FUT9: variants seen among roughly 807,000 people sequenced by gnomAD.
The protein encoded by FUT9 is 4-galactosyl-N-acetylglucosaminide 3-alpha-L-fucosyltransferase 9.
A neutral mutation model predicts 29.7 loss-of-function variants in FUT9; 15 were observed. The observed-to-expected ratio is 0.51, with a 90% CI of 0.34 to 0.78. The LOEUF (loss-of-function observed/expected upper bound fraction) is 0.78, where lower values mean the gene tolerates loss of function less well. Ranked by LOEUF, FUT9 falls within the 30% of genes least tolerant of loss-of-function variation. The pLI is 0.01. For missense variants in FUT9, 319 were observed against 425.4 expected, an observed-to-expected ratio of 0.75 and a Z score of 2.20; for synonymous variants, 169 against 153.7, an observed-to-expected ratio of 1.10 and a Z score of -0.74.
intron 1 of FUT9, among the ~76,000 whole-genome samples, chr6:96,099,462 T>G (rs919848501): frequency 1.3e-4 from 20 of 152,154 alleles, no homozygotes; most frequent in Admixed American, 6.5e-5. Flanking sequence ...GTATTTCTTT[T>G]TAAAAGGTCA....
intron 1 of FUT9, among the ~76,000 whole-genome samples, chr6:96,070,401 A>T (rs1380213564): frequency 7.2e-5 from 11 of 152,362 alleles, no homozygotes; most frequent in African/African-American, 2.6e-4. Context: ...GTAATACTAT[A>T]CAAGCCTTAA....
At chr6:96,155,440 T>C (rs537901459) in intron 2 of FUT9, among the ~76,000 whole-genome samples, 1 of 152,062 alleles carries the variant, frequency 6.6e-6, no homozygotes, top group African/African-American at 2.4e-5. Context: ...ATGACTGATG[T>C]CCCTATAAGA....
intron 1 of FUT9, among the ~76,000 whole-genome samples, chr6:96,095,938 T>C (rs1030658999): frequency 1.3e-5 from 2 of 152,138 alleles, no homozygotes; most frequent in Non-Finnish European, 1.5e-5. Context: ...TATTACATGA[T>C]GTGATGTTTG....
chr6:96,120,373 C>T (rs539578513), intron 2 of FUT9, among the ~76,000 whole-genome samples: 23 of 149,100 alleles, frequency 1.5e-4, no homozygotes, highest in Non-Finnish European at 3.3e-4. Context: ...TGGGTTCACG[C>T]CATTCTCCTG....
At chr6:96,079,730 T>TC (rs1771204180) in intron 1 of FUT9, among the ~76,000 whole-genome samples, 1 of 152,008 alleles carries the variant, frequency 6.6e-6, no homozygotes, top group Non-Finnish European at 1.5e-5. Context: ...AAAAGCAACA[T>TC]AATCGGAACT....
chr6:96,190,037 G>A (rs1773476667), intron 2 of FUT9, among the ~76,000 whole-genome samples: 1 of 152,118 alleles, frequency 6.6e-6, no homozygotes, highest in Admixed American at 6.5e-5. Context: ...TTTTGCAGTG[G>A]TTGGTACCGG....
chr6:96,117,945 C>T lies in FUT9; in HGVS notation c.-9+3818C>T, dbSNP rs541880871. ...TAGAGGCCAGGCATGGTGGCTCACT[C>T]CTGTAATCCCATCACATTGGGAGGC... is the stretch of plus-strand genomic sequence containing the variant. On this transcript the variant is annotated intron_variant, in intron 2 of 2. Coordinates refer to ENST00000302103, the MANE Select transcript of FUT9 (RefSeq NM_006581.4). Among the ~76,000 whole-genome samples, 10 of 152,208 alleles carry T rather than the reference C, an allele frequency of 6.6e-5. No homozygotes were observed. The South Asian group carries it at 1.2e-3, about 19-fold the overall frequency.
At chr6:96,184,421 T>G (rs531812002) in intron 2 of FUT9, among the ~76,000 whole-genome samples, 1 of 152,170 alleles carries the variant, frequency 6.6e-6, no homozygotes, top group Non-Finnish European at 1.5e-5. Context: ...ATCTTTTGTT[T>G]TTTTGTTTGT....
At chr6:96,178,037 G>T (rs1029968622) in intron 2 of FUT9, among the ~76,000 whole-genome samples, 8 of 152,082 alleles carry the variant, frequency 5.3e-5, no homozygotes, top group African/African-American at 1.9e-4. Context: ...TCACACTTAA[G>T]AACAAATTCT....
intron 1 of FUT9, among the ~76,000 whole-genome samples, chr6:96,054,294 T>A (rs1169234703): frequency 6.6e-6 from 1 of 152,210 alleles, no homozygotes; most frequent in African/African-American, 2.4e-5. Flanking sequence ...TATAGGTTGG[T>A]CCTTATGGAC....
At chr6:96,035,879 CATTATGTTTATTATATTA>C (rs1770352175) in intron 1 of FUT9, among the ~76,000 whole-genome samples, 4 of 84,208 alleles carry the variant, frequency 4.8e-5, no homozygotes, top group Non-Finnish European at 7.8e-5. Flanking sequence ...TAATATAATA[CATTATGTTTATTATATTA>C]ATATAATATA....
intron 2 of FUT9, among the ~76,000 whole-genome samples, chr6:96,123,160 A>G (rs1268486415): frequency 6.6e-6 from 1 of 151,368 alleles, no homozygotes. Flanking sequence ...AAGATTATGC[A>G]TAGTGTCAAT....
rs1302874965 is a variant in FUT9, at chr6:96,210,330, G to T, written c.*6095G>T. On this transcript the variant is annotated 3_prime_UTR_variant, in exon 3 of 3. Transcript: ENST00000302103. Reference sequence around the variant, plus strand: ...CTCACCAGTCTTGTGACTTGGGGCAGGTTATTTATAGTCTCCAGACACTTT... The same window carrying T: ...CTCACCAGTCTTGTGACTTGGGGCATGTTATTTATAGTCTCCAGACACTTT... 3.0e-5 allele frequency: 5 copies of T among 167,046 alleles called. No homozygotes were observed. 10.3% of individuals were successfully genotyped at this position (167,046 alleles called of 1,614,324 possible).
Position 96,109,178 on chromosome 6 carries a change from G to T in FUT9, c.-97-4861G>T, listed in dbSNP as rs376875833. Among the ~76,000 whole-genome samples, 3 of 152,188 alleles carry T rather than the reference G, an allele frequency of 2.0e-5. No homozygotes were observed. In the South Asian group the frequency reaches 6.2e-4, roughly 32 times the overall value. On this transcript the variant is annotated intron_variant, in intron 1 of 2. Transcript: ENST00000302103. ...AATTCAATGTCCTTTAATGTCATCT[G>T]GTCAGCTGAATTAAGAAGCTTGCTT...
rs142708077 is a variant in FUT9 at position 96,173,337 on chromosome 6, T to C, written c.-8-29811T>C. Among the ~76,000 whole-genome samples, 64 of 152,274 alleles carry C rather than the reference T, an allele frequency of 4.2e-4. 1 individual carries two copies. Among genetic ancestry groups the C allele is most frequent in the African/African-American group, 1.5e-3 (62 of 41,580 alleles). On this transcript the variant is annotated intron_variant, in intron 2 of 2. Coordinates refer to ENST00000302103, the MANE Select transcript of FUT9 (RefSeq NM_006581.4). ...TGTTTACTTTCTTGTGTTTATTTTG[T>C]CTGCCATTCTCCACTAAAATGTTAG...
intron 1 of FUT9, among the ~76,000 whole-genome samples, chr6:96,103,034 A>G (rs746891941): frequency 2.6e-5 from 4 of 152,188 alleles, no homozygotes; most frequent in Non-Finnish European, 4.4e-5. Flanking sequence ...GTCTTGGGCT[A>G]TGGGAAAATA....
At chr6:96,112,227 AC>A (rs1160168051) in intron 1 of FUT9, among the ~76,000 whole-genome samples, 1 of 152,204 alleles carries the variant, frequency 6.6e-6, no homozygotes, top group Non-Finnish European at 1.5e-5. Flanking sequence ...AGTTATCAGA[AC>A]CTTTTAAAAT....
At chr6:96,159,345 A>C (rs574883509) in intron 2 of FUT9, among the ~76,000 whole-genome samples, 1 of 150,586 alleles carries the variant, frequency 6.6e-6, no homozygotes, top group African/African-American at 2.4e-5. Context: ...ATGATGATAT[A>C]CTATTAAGTT....
intron 1 of FUT9, among the ~76,000 whole-genome samples, chr6:96,035,807 A>T: frequency 7.5e-6 from 1 of 134,086 alleles, no homozygotes; most frequent in East Asian, 2.0e-4. Flanking sequence ...AATATAATAT[A>T]ATACATATAA....
Sources: gnomAD v4.1 joint callset for allele counts (sites outside exome capture counted in the v4.1 genomes callset) on GRCh38, gnomAD v4.1.1 for gene constraint, MANE v1.5 for transcripts, NCBI Gene and HGNC (gene_info 2026-07-23, HGNC 2026-07-21) for gene names.